Variants in ADGRL1 observed in about 807,000 individuals in gnomAD.
The protein encoded by ADGRL1 is CIRL-1.
ADGRL1 carries 31 observed loss-of-function variants against 148.9 expected under a neutral mutation model. The observed-to-expected ratio is 0.21, with a 90% CI of 0.16 to 0.28. The LOEUF is 0.28. Among genes scored for constraint, ADGRL1 ranks in the 10% least tolerant of loss-of-function variants. The probability of loss-of-function intolerance (pLI) is 1.00; values close to 1 mark genes in which losing one functional copy is unlikely to be tolerated. For synonymous variants in ADGRL1, 937 were observed against 900.3 expected (o/e 1.04, Z -0.73); for missense variants, 1,521 against 2,058.8 (o/e 0.74, Z 5.05).
At chr19:14,189,001 C>T (rs959654621) in intron 1 of ADGRL1, among the ~76,000 whole-genome samples, 3 of 152,132 alleles carry the variant, frequency 2.0e-5, no homozygotes, top group African/African-American at 7.2e-5. Context: ...ATCCACCCGC[C>T]TCGGCCTCCC....
rs1969438555 is a variant in ADGRL1 at position 14,161,961 on chromosome 19, C to T, written c.1196-335G>A. Among the ~76,000 whole-genome samples the T allele has an allele frequency of 6.6e-6, 1 of 152,156 alleles. No individual in the cohort carries two copies. The highest frequency in any genetic ancestry group is 2.1e-4 in the South Asian group (1 of 4,836). On this transcript the variant is annotated intron_variant, in intron 5 of 22. Transcript: ENST00000361434. The surrounding 1 kb of genome is among the most constrained non-coding windows in gnomAD (Gnocchi z 4.4). The stretch of plus-strand genomic sequence containing the variant: ...TGAGCCCGAGGGCAGGAGCCCTCCC[C>T]AATCCAGGTCAGCCCCGCCACCAGG...
chr19:14,197,053 G>A (rs1276478120), intron 1 of ADGRL1, among the ~76,000 whole-genome samples: 1 of 152,092 alleles, frequency 6.6e-6, no homozygotes, highest in African/African-American at 2.4e-5. Flanking sequence ...ATGCAGAATT[G>A]CTTGTGTCCA....
At chr19:14,153,622 T>G (rs1476559478) in intron 18 of ADGRL1, among the ~76,000 whole-genome samples, 2 of 145,660 alleles carry the variant, frequency 1.4e-5, no homozygotes, top group Non-Finnish European at 3.0e-5. Context: ...GAGACGGGGT[T>G]TCACCATGTT....
rs372362925 is a variant in ADGRL1, at chr19:14,159,364, C to T, written c.2023+37G>A. ...GGCCAGAACCCCGTGGTTTAAGGTTCGTATCTGAGTTTGCCCTGGGTGACT... is the reference window on the plus strand; with the variant it reads ...GGCCAGAACCCCGTGGTTTAAGGTTTGTATCTGAGTTTGCCCTGGGTGACT... On this transcript the variant is annotated intron_variant, in intron 10 of 22. Coordinates refer to ENST00000361434, the MANE Select transcript of ADGRL1 (RefSeq NM_014921.5). The surrounding 1 kb of genome is among the most constrained non-coding windows in gnomAD (Gnocchi z 6.0). 24 of 1,581,726 alleles carry T rather than the reference C, an allele frequency of 1.5e-5. No individual in the cohort carries two copies. The highest frequency in any genetic ancestry group is 1.7e-4 in the Middle Eastern group (1 of 5,784).
intron 1 of ADGRL1, among the ~76,000 whole-genome samples, chr19:14,205,099 GA>G (rs1972898585): frequency 6.6e-6 from 1 of 152,040 alleles, no homozygotes; most frequent in Non-Finnish European, 1.5e-5. Context: ...GGGTGCACTG[GA>G]GAGATACCTG....
At chr19:14,181,287 C>T (rs771226754) in intron 2 of ADGRL1, among the ~76,000 whole-genome samples, 15 of 152,208 alleles carry the variant, frequency 9.9e-5, no homozygotes, top group African/African-American at 3.1e-4. Flanking sequence ...CTGGCTTTGC[C>T]GCTGACAGGG....
intron 4 of ADGRL1, among the ~76,000 whole-genome samples, chr19:14,164,075 T>C (rs908713713): frequency 1.3e-5 from 2 of 151,846 alleles, no homozygotes; most frequent in Non-Finnish European, 2.9e-5. Context: ...CTCCCCAGGT[T>C]CCTGATGCAG....
chr19:14,193,570 G>C (rs955281958), intron 1 of ADGRL1, among the ~76,000 whole-genome samples: 2 of 151,978 alleles, frequency 1.3e-5, no homozygotes, highest in Non-Finnish European at 2.9e-5. Context: ...CTGGGCAAGA[G>C]AGTGGGACCC....
chr19:14,177,682 G>T lies in ADGRL1; in HGVS notation c.133C>A (p.Pro45Thr). The change falls in exon 3 of 23, where the codon CCC becomes ACC. Residue 45 changes from proline to threonine, a missense_variant. This residue lies in a region of ADGRL1 where 334 missense variants were observed against 512.5 expected (regional missense o/e 0.65). Coordinates refer to ENST00000361434, the MANE Select transcript of ADGRL1 (RefSeq NM_014921.5). Reference sequence around the variant, plus strand: ...CTGCCGGGGCACCGCAGCTCGATGGGGTAGCCTTCACACGCCAGCTCCCGG... The same window carrying T: ...CTGCCGGGGCACCGCAGCTCGATGGTGTAGCCTTCACACGCCAGCTCCCGG... ...MRRELACEGY[P>T]IELRCPGSDV... 1.2e-6 allele frequency: 2 copies of T among 1,614,140 alleles called. No homozygotes were observed. Among genetic ancestry groups the T allele is most frequent in the Non-Finnish European group, 8.5e-7 (1 of 1,180,052 alleles).
chr19:14,167,991 G>A (rs1970144039), intron 4 of ADGRL1, among the ~76,000 whole-genome samples: 2 of 152,162 alleles, frequency 1.3e-5, no homozygotes, highest in Non-Finnish European at 2.9e-5. Flanking sequence ...AGCAAATCCA[G>A]CATTAGTCGG....
At chr19:14,176,748 G>T (rs1970853415) in intron 3 of ADGRL1, among the ~76,000 whole-genome samples, 2 of 151,514 alleles carry the variant, frequency 1.3e-5, no homozygotes, top group Non-Finnish European at 2.9e-5. Flanking sequence ...CTGAGGCAGG[G>T]GGATTGCTTG....
intron 1 of ADGRL1, among the ~76,000 whole-genome samples, chr19:14,189,669 C>T (rs1362823549): frequency 6.6e-6 from 1 of 152,196 alleles, no homozygotes; most frequent in Non-Finnish European, 1.5e-5. Context: ...TTTATCCAGT[C>T]ATCGGTAATG....
rs1969116779 is a variant in ADGRL1, at chr19:14,159,501, GTGCACC to G, written c.1917_1922del (p.Gln639_Val640del). 6.2e-7 allele frequency: 1 copy of G among 1,613,026 alleles called. No homozygotes were observed. The highest frequency in any genetic ancestry group is 1.7e-5 in the Admixed American group (1 of 59,966). ...GGACGTCGAGGAGCATGGTGGCCGT[GTGCACC>G]TGCTCCGTGGCATTCATGTCCTTCC... On this transcript the variant is annotated inframe_deletion, in exon 10 of 23. Transcript: ENST00000361434. The surrounding 1 kb of genome is among the most constrained non-coding windows in gnomAD (Gnocchi z 6.0).
At position 14,155,947 on chromosome 19, in the gene ADGRL1, A is replaced by G. The variant is rs1007306341; in HGVS notation, c.3125+163T>C. 3 of 626,228 alleles carry G rather than the reference A, an allele frequency of 4.8e-6. No individual in the cohort carries two copies. The Admixed American group carries it at 7.4e-5, about 15-fold the overall frequency. 38.8% of individuals were successfully genotyped at this position (626,228 alleles called of 1,614,324 possible). A position where few individuals can be genotyped will look rare whatever the true frequency, so the allele number is the denominator to read the frequency against. The stretch of plus-strand genomic sequence containing the variant: ...ATACGCTATCTAAGACCCATTAAGT[A>G]GGTACATAGTGAACACAATAGAACA... On this transcript the variant is annotated intron_variant, in intron 17 of 22. Coordinates refer to ENST00000361434, the MANE Select transcript of ADGRL1 (RefSeq NM_014921.5). This position sits in a 1 kb window ranked among gnomAD's most constrained non-coding sequence, Gnocchi z 5.0.
At chr19:14,193,233 A>AG (rs1003549988) in intron 1 of ADGRL1, among the ~76,000 whole-genome samples, 6 of 112,268 alleles carry the variant, frequency 5.3e-5, no homozygotes, top group African/African-American at 2.1e-4. Flanking sequence ...AGGCCTCTGG[A>AG]GGGGGAGGAT....
At chr19:14,167,034 C>T (rs1970038787) in intron 4 of ADGRL1, 1 of 1,608,602 alleles carries the variant, frequency 6.2e-7, no homozygotes, top group Non-Finnish European at 8.5e-7. Context: ...TCCACTTCTA[C>T]TTTAAGCATC....
rs571705857 is a variant in ADGRL1 at position 14,188,444 on chromosome 19, G to C, written c.-95-4747C>G. 1.1e-3 allele frequency among the ~76,000 whole-genome samples: 175 copies of C among 152,180 alleles called. 1 individual carries two copies. Among genetic ancestry groups the C allele is most frequent in the African/African-American group, 4.0e-3 (165 of 41,508 alleles). On this transcript the variant is annotated intron_variant, in intron 1 of 22. Transcript: ENST00000361434. Reference sequence around the variant, plus strand: ...CTAAGACTCCAGAGTGGACCCCCCAGAGCCATGTATACTTCCACCGGGAAC... The same window carrying C: ...CTAAGACTCCAGAGTGGACCCCCCACAGCCATGTATACTTCCACCGGGAAC...
Position 14,152,746 on chromosome 19 carries a change from C to T in ADGRL1, c.3423+38G>A, listed in dbSNP as rs201197851. ...TCCCCACCTCTCAGGCTCCAGGTTC[C>T]AACACTCAGCCCCAGGGAGTCCTGT... is the stretch of plus-strand genomic sequence containing the variant. On this transcript the variant is annotated intron_variant, in intron 19 of 22. Transcript: ENST00000361434. The surrounding 1 kb of genome is among the most constrained non-coding windows in gnomAD (Gnocchi z 6.1). The T allele has an allele frequency of 6.2e-7, 1 of 1,610,162 alleles. No homozygotes were observed. The highest frequency in any genetic ancestry group is 8.5e-7 in the Non-Finnish European group (1 of 1,177,150).
chr19:14,184,606 TTTTATTTATTTA>T lies in ADGRL1; in HGVS notation c.-95-921_-95-910del, dbSNP rs74181775. 2.8e-3 allele frequency among the ~76,000 whole-genome samples: 296 copies of T among 103,992 alleles called. 7 individuals are homozygous for T. Among genetic ancestry groups the T allele is most frequent in the East Asian group, 7.0e-3 (27 of 3,856 alleles). 68.2% of individuals were successfully genotyped at this position (103,992 alleles called of 152,430 possible). The stretch of plus-strand genomic sequence containing the variant: ...CACCACTACCACCAGCTAATTTTTA[TTTTATTTATTTA>T]TTTATTTATTTATTTATTTATTTAT... On this transcript the variant is annotated intron_variant, in intron 1 of 22. Coordinates refer to ENST00000361434, the MANE Select transcript of ADGRL1 (RefSeq NM_014921.5).
Sources: gnomAD v4.1 joint callset for allele counts (sites outside exome capture counted in the v4.1 genomes callset) on GRCh38, gnomAD v4.1.1 for gene constraint, gnomAD v4.1.1 regional missense constraint, Gnocchi (gnomAD v3.1) non-coding constraint, MANE v1.5 for transcripts, NCBI Gene and HGNC (gene_info 2026-07-23, HGNC 2026-07-21) for gene names.